ZMIZ1: variants seen among roughly 807,000 people sequenced by gnomAD.
The protein encoded by ZMIZ1 is zinc finger MIZ domain-containing protein 1.
In ZMIZ1, 17 loss-of-function variants were observed where a neutral mutation model predicts 113.9. The ratio of observed to expected loss-of-function variants is 0.15; its 90% CI spans 0.10 to 0.22. The LOEUF is 0.22. Ranked by LOEUF, ZMIZ1 falls within the 10% of genes least tolerant of loss-of-function variation. The pLI is 1.00. For missense variants in ZMIZ1, 1,059 were observed against 1,477.8 expected, an observed-to-expected ratio of 0.72 and a Z score of 4.65; for synonymous variants, 607 against 603.1, an observed-to-expected ratio of 1.01 and a Z score of -0.09.
intron 2 of ZMIZ1, among the ~76,000 whole-genome samples, chr10:79,121,007 T>C (rs1844266804): frequency 6.6e-6 from 1 of 152,218 alleles, no homozygotes. Context: ...ATTGCCTCCA[T>C]GAGTGCTCTA....
chr10:79,307,484 C>T lies in ZMIZ1; in HGVS notation c.2748C>T (p.His916=), dbSNP rs775712378. The T allele has an allele frequency of 1.3e-5, 21 of 1,608,976 alleles. No homozygotes were observed. The highest frequency in any genetic ancestry group is 7.7e-5 in the South Asian group (7 of 90,906). Residue 916 remains histidine (H), a synonymous_variant, in exon 23 of 25, where the codon CAC becomes CAT. Coordinates refer to ENST00000334512, the MANE Select transcript of ZMIZ1 (RefSeq NM_020338.4). The stretch of plus-strand genomic sequence containing the variant: ...GGACATCCATGAATGACTTCATGCA[C>T]GGGCCCCCCCAGCTCTCCCACCCCC... The part of the protein sequence containing the change: ...PGGTSMNDFM[H]GPPQLSHPPD...
rs920029471 is a variant in ZMIZ1 at position 79,278,646 on chromosome 10, G to A, written c.425+1321G>A. On this transcript the variant is annotated intron_variant, in intron 8 of 24. Coordinates refer to ENST00000334512, the MANE Select transcript of ZMIZ1 (RefSeq NM_020338.4). Reference sequence around the variant, plus strand: ...TTAGGGAGTGGTGATGACTCTTAACGAGCATGCTGCCTTCAAGCATCTGTT... The same window carrying A: ...TTAGGGAGTGGTGATGACTCTTAACAAGCATGCTGCCTTCAAGCATCTGTT... Among the ~76,000 whole-genome samples the A allele has an allele frequency of 5.7e-4, 86 of 151,602 alleles. 1 individual carries two copies. Among genetic ancestry groups the A allele is most frequent in the African/African-American group, 1.9e-3 (79 of 41,346 alleles).
chr10:79,281,815 T>G (rs1037525471), intron 8 of ZMIZ1, among the ~76,000 whole-genome samples: 1 of 152,132 alleles, frequency 6.6e-6, no homozygotes, highest in Non-Finnish European at 1.5e-5. Context: ...AGTAGGAAAG[T>G]GAATTGCCCC....
At chr10:79,278,060 G>A (rs898520237) in intron 8 of ZMIZ1, among the ~76,000 whole-genome samples, 1 of 152,204 alleles carries the variant, frequency 6.6e-6, no homozygotes, top group African/African-American at 2.4e-5. Flanking sequence ...TGAGGGACCC[G>A]CAGCCCAGAG....
chr10:79,195,941 C>T (rs1319445747), intron 4 of ZMIZ1, among the ~76,000 whole-genome samples: 3 of 152,196 alleles, frequency 2.0e-5, no homozygotes, highest in Non-Finnish European at 4.4e-5. Context: ...AGGGCCTGGC[C>T]TGGTGCCTGA....
chr10:79,225,922 C>T (rs998742615), intron 7 of ZMIZ1, among the ~76,000 whole-genome samples: 20 of 152,144 alleles, frequency 1.3e-4, no homozygotes, highest in Admixed American at 1.2e-3. Context: ...ATGATGAGGC[C>T]GTGGGTGTGA....
intron 7 of ZMIZ1, among the ~76,000 whole-genome samples, chr10:79,263,562 C>T (rs1387915963): frequency 2.6e-5 from 4 of 152,098 alleles, no homozygotes; most frequent in African/African-American, 9.7e-5. Context: ...ATGCCCTAGG[C>T]TCACCACCTC....
chr10:79,285,773 T>G (rs1853037659), intron 8 of ZMIZ1, among the ~76,000 whole-genome samples: 1 of 152,152 alleles, frequency 6.6e-6, no homozygotes, highest in Admixed American at 6.5e-5. Context: ...AGGCAGAGGG[T>G]TCTCACTCTT....
chr10:79,178,762 C>T (rs1589383537), intron 4 of ZMIZ1, among the ~76,000 whole-genome samples: 1 of 152,206 alleles, frequency 6.6e-6, no homozygotes, highest in East Asian at 1.9e-4. Context: ...CCACTGGTCT[C>T]CAAGGTGATT....
intron 2 of ZMIZ1, among the ~76,000 whole-genome samples, chr10:79,133,724 C>G (rs1844873397): frequency 6.6e-6 from 1 of 152,204 alleles, no homozygotes; most frequent in South Asian, 2.1e-4. Flanking sequence ...CAGGGCCTTG[C>G]CTCTGCAGCC....
rs946977077 is a variant in ZMIZ1, at chr10:79,139,710, G to A, written c.-198G>A. On this transcript the variant is annotated 5_prime_UTR_variant, in exon 3 of 25. Transcript: ENST00000334512. ...GAAGAGGAGGAGGCCCGTTGGCGTCGGACCAATGCTGCAAGGGGTGTGAGG... is the reference window on the plus strand; with the variant it reads ...GAAGAGGAGGAGGCCCGTTGGCGTCAGACCAATGCTGCAAGGGGTGTGAGG... 5.5e-5 allele frequency: 22 copies of A among 398,836 alleles called. No individual in the cohort carries two copies. The highest frequency in any genetic ancestry group is 2.1e-4 in the African/African-American group (10 of 48,754). 24.7% of individuals were successfully genotyped at this position (398,836 alleles called of 1,614,324 possible). A position where few individuals can be genotyped will look rare whatever the true frequency, so the allele number is the denominator to read the frequency against.
chr10:79,248,328 G>T (rs1215270780), intron 7 of ZMIZ1, among the ~76,000 whole-genome samples: 1 of 152,146 alleles, frequency 6.6e-6, no homozygotes, highest in East Asian at 1.9e-4. Context: ...AACCAGGAGA[G>T]GTATGGCGCT....
intron 7 of ZMIZ1, among the ~76,000 whole-genome samples, chr10:79,257,242 A>T (rs1293030521): frequency 6.6e-6 from 1 of 152,230 alleles, no homozygotes; most frequent in East Asian, 1.9e-4. Flanking sequence ...GAGCCCTCAG[A>T]TTCCTGGTGA....
intron 7 of ZMIZ1, among the ~76,000 whole-genome samples, chr10:79,235,270 AACCTCCTCTCAC>A (rs1410016968): frequency 6.6e-6 from 1 of 152,204 alleles, no homozygotes. Flanking sequence ...GCACCCGGAG[AACCTCCTCTCAC>A]ACGGGGTGGT....
intron 4 of ZMIZ1, among the ~76,000 whole-genome samples, chr10:79,164,404 TTGAG>T (rs67735676): frequency 0.25 from 38,062 of 151,262 alleles, 5,073 homozygotes; most frequent in African/African-American, 0.32. Context: ...ATTCTGTTAA[TTGAG>T]TGAGTGAGTG....
intron 4 of ZMIZ1, among the ~76,000 whole-genome samples, chr10:79,194,572 T>C (rs1013976107): frequency 6.6e-6 from 1 of 152,170 alleles, no homozygotes; most frequent in African/African-American, 2.4e-5. Context: ...GTTGAGACCG[T>C]TGAGATGCTT....
intron 4 of ZMIZ1, among the ~76,000 whole-genome samples, chr10:79,179,383 C>T (rs1847013184): frequency 6.6e-6 from 1 of 152,230 alleles, no homozygotes; most frequent in African/African-American, 2.4e-5. Flanking sequence ...CTCAGTTCTA[C>T]TAGAGTAAGA....
chr10:79,307,352 G>A (rs1854778360), intron 22 of ZMIZ1, 53 bp from the exon 23 acceptor site: 1 of 1,546,856 alleles, frequency 6.5e-7, no homozygotes, highest in Non-Finnish European at 8.9e-7. Context: ...CCCTGGGGGT[G>A]GCCACTATCC....
chr10:79,146,711 G>A (rs1005893872), intron 3 of ZMIZ1, among the ~76,000 whole-genome samples: 4 of 152,228 alleles, frequency 2.6e-5, no homozygotes, highest in Non-Finnish European at 4.4e-5. Flanking sequence ...GACACAGGCA[G>A]GGCTGGGGCT....
Sources: allele counts gnomAD v4.1 joint callset (sites outside exome capture counted in the v4.1 genomes callset), GRCh38; gene constraint gnomAD v4.1.1; transcripts MANE v1.5; gene names NCBI Gene and HGNC (gene_info 2026-07-23, HGNC 2026-07-21).